Variants in UTS2 observed in about 807,000 individuals in gnomAD.
UTS2 encodes urotensin 2, also known as urotensin-2.
UTS2 carries 10 observed loss-of-function variants against 12.6 expected under a neutral mutation model. The ratio of observed to expected loss-of-function variants is 0.80; its 90% CI spans 0.49 to 1.35. UTS2 has a LOEUF of 1.35. UTS2 is among the 40% of genes most tolerant of loss of function. The probability of loss-of-function intolerance (pLI) is 0.00; values close to 1 mark genes in which losing one functional copy is unlikely to be tolerated. For synonymous variants in UTS2, 52 were observed against 50.0 expected, an observed-to-expected ratio of 1.04 and a Z score of -0.17; for missense variants, 142 against 143.2, an observed-to-expected ratio of 0.99 and a Z score of 0.04.
the UTS2 span, among the ~76,000 whole-genome samples, chr1:7,863,021 TTGTATTGTATTGTATTGTATTGTATTG>T: frequency 8.4e-4 from 20 of 23,898 alleles, no homozygotes; most frequent in Non-Finnish European, 1.6e-3. Flanking sequence ...TTGTATTGTA[TTGTATTGTATTGTATTGTATTGTATTG>T]TATTGTATTG....
the UTS2 span, among the ~76,000 whole-genome samples, chr1:7,875,789 C>A: frequency 7.9e-5 from 12 of 152,276 alleles, no homozygotes; most frequent in Admixed American, 3.9e-4. Context: ...ACCCACTCCG[C>A]CCACCATCAC....
the UTS2 span, among the ~76,000 whole-genome samples, chr1:7,889,634 A>G: frequency 6.6e-6 from 1 of 151,510 alleles, no homozygotes; most frequent in Non-Finnish European, 1.5e-5. Flanking sequence ...GCAAAACCCA[A>G]TCTCTACTAA....
chr1:7,862,915 T>A, the UTS2 span, among the ~76,000 whole-genome samples: 1 of 152,154 alleles, frequency 6.6e-6, no homozygotes, highest in African/African-American at 2.4e-5. Flanking sequence ...CACCTCCTTT[T>A]AGTCTCTCCT....
At chr1:7,858,515 TTAATC>T in the UTS2 span, among the ~76,000 whole-genome samples, 2 of 152,320 alleles carry the variant, frequency 1.3e-5, no homozygotes, top group South Asian at 2.1e-4. Flanking sequence ...AGTTTTGAAA[TTAATC>T]TAAACTCCCT....
At chr1:7,902,653 C>T in the UTS2 span, among the ~76,000 whole-genome samples, 1 of 152,136 alleles carries the variant, frequency 6.6e-6, no homozygotes, top group South Asian at 2.1e-4. Context: ...TCTTGAACTC[C>T]TGACCTCACG....
chr1:7,860,158 C>T, the UTS2 span, among the ~76,000 whole-genome samples: 1 of 152,138 alleles, frequency 6.6e-6, no homozygotes, highest in African/African-American at 2.4e-5. Context: ...ACAGACCAAG[C>T]CTCACCGAGT....
the UTS2 span, among the ~76,000 whole-genome samples, chr1:7,878,604 C>A: frequency 1.3e-5 from 2 of 151,878 alleles, no homozygotes; most frequent in African/African-American, 4.8e-5. Context: ...AGCCATGTGC[C>A]TGTAGTCACA....
At chr1:7,906,513 A>AAAGAAAAGG in the UTS2 span, among the ~76,000 whole-genome samples, 1 of 124,732 alleles carries the variant, frequency 8.0e-6, no homozygotes, top group Non-Finnish European at 1.7e-5. Flanking sequence ...GAAAGAAAAG[A>AAAGAAAAGG]GGGAGGGAGG....
the UTS2 span, among the ~76,000 whole-genome samples, chr1:7,866,182 C>T: frequency 2.0e-5 from 3 of 152,126 alleles, no homozygotes; most frequent in African/African-American, 4.8e-5. This position sits in a 1 kb window ranked among gnomAD's most constrained non-coding sequence, Gnocchi z 4.5. Context: ...TGCTGTGGCC[C>T]GGGGTCGCTC....
chr1:7,888,130 T>C, the UTS2 span, among the ~76,000 whole-genome samples: 2 of 152,382 alleles, frequency 1.3e-5, no homozygotes, highest in East Asian at 1.9e-4. Flanking sequence ...AAATCTCGGA[T>C]TGATTCATTT....
the UTS2 span, among the ~76,000 whole-genome samples, chr1:7,909,643 C>G: frequency 6.6e-6 from 1 of 150,470 alleles, no homozygotes; most frequent in Non-Finnish European, 1.5e-5. Flanking sequence ...TTTTTTGAGA[C>G]GGAGTCTCAC....
the UTS2 span, among the ~76,000 whole-genome samples, chr1:7,902,717 G>A: frequency 6.6e-6 from 1 of 152,050 alleles, no homozygotes; most frequent in African/African-American, 2.4e-5. Flanking sequence ...CAGCTTCCCC[G>A]GCCAGCGCCT....
chr1:7,877,220 C>G, the UTS2 span, among the ~76,000 whole-genome samples: 1 of 149,992 alleles, frequency 6.7e-6, no homozygotes, highest in Non-Finnish European at 1.5e-5. Flanking sequence ...CAAAGGAACA[C>G]AATAATTCTC....
the UTS2 span, among the ~76,000 whole-genome samples, chr1:7,883,238 G>T: frequency 3.2e-3 from 481 of 152,338 alleles, 4 homozygotes; most frequent in African/African-American, 0.011. Flanking sequence ...CAGCAACATG[G>T]ATTGAACTTG....
chr1:7,877,139 A>AG, the UTS2 span, among the ~76,000 whole-genome samples: 3 of 66,828 alleles, frequency 4.5e-5, no homozygotes, highest in Admixed American at 1.7e-4. Context: ...AAAAAAAAAA[A>AG]AAAGAAAAAA....
chr1:7,860,209 T>G, the UTS2 span, among the ~76,000 whole-genome samples: 1 of 152,062 alleles, frequency 6.6e-6, no homozygotes, highest in Non-Finnish European at 1.5e-5. Context: ...CACAGATAAC[T>G]AAGTAGGTTC....
the UTS2 span, among the ~76,000 whole-genome samples, chr1:7,876,678 A>G: frequency 1.6e-4 from 25 of 152,326 alleles, no homozygotes; most frequent in East Asian, 4.1e-3. Context: ...AAAAAAAATC[A>G]TATAAAGACT....
chr1:7,869,793 TAGG>T, the UTS2 span, among the ~76,000 whole-genome samples: 2 of 152,222 alleles, frequency 1.3e-5, no homozygotes, highest in Non-Finnish European at 1.5e-5. Flanking sequence ...TCCAATTACC[TAGG>T]AGGTTTGATT....
At chr1:7,893,303 G>A in the UTS2 span, among the ~76,000 whole-genome samples, 1 of 152,148 alleles carries the variant, frequency 6.6e-6, no homozygotes, top group South Asian at 2.1e-4. Flanking sequence ...GGAGTTTGAG[G>A]TCAGCCTGGA....
Sources: allele counts gnomAD v4.1 joint callset (sites outside exome capture counted in the v4.1 genomes callset), GRCh38; gene constraint gnomAD v4.1.1; non-coding constraint Gnocchi (gnomAD v3.1); transcripts MANE v1.5; gene names NCBI Gene and HGNC (gene_info 2026-07-23, HGNC 2026-07-21).